FHL2: variants seen among roughly 807,000 people sequenced by gnomAD.
FHL2 encodes the protein four and a half LIM domains protein 2.
FHL2 carries 20 observed loss-of-function variants against 32.7 expected under a neutral mutation model. The ratio of observed to expected loss-of-function variants is 0.61; its 90% CI spans 0.43 to 0.89. FHL2 has a LOEUF of 0.89. FHL2 is among the 40% of genes least tolerant of loss of function. The pLI, the probability that FHL2 is intolerant of heterozygous loss-of-function variation, is 0.00. For missense variants in FHL2, 311 were observed against 358.6 expected, an observed-to-expected ratio of 0.87 and a Z score of 1.07; for synonymous variants, 123 against 128.1, an observed-to-expected ratio of 0.96 and a Z score of 0.27.
chr2:105,361,660 G>A (rs1320368562), intron 6 of FHL2, among the ~76,000 whole-genome samples: 3 of 152,172 alleles, frequency 2.0e-5, no homozygotes, highest in Non-Finnish European at 4.4e-5. Flanking sequence ...GTTCCAAAAC[G>A]ATGGGATAAG....
In FHL2 at chr2:105,367,680, G is replaced by T. The variant is rs397517959; in HGVS notation, c.391C>A (p.Arg131Ser). ...SWHETCFICH[R>S]CQQPIGTKSF... ...TTGGTTCCAATTGGCTGCTGGCAGC[G>T]GTGGCAGATGAAGCAGGTCTCATGC... The change falls in exon 5 of 7, where the codon CGC (arginine) becomes AGC (serine). Residue 131 changes from arginine (R) to serine (S), a missense_variant. Arg to Ser is a moderately radical substitution (Grantham distance 110). Coordinates refer to ENST00000530340, the MANE Select transcript of FHL2 (RefSeq NM_001318895.3). The T allele has an allele frequency of 6.2e-7, 1 of 1,614,196 alleles. No individual in the cohort carries two copies. The highest frequency in any genetic ancestry group is 8.5e-7 in the Non-Finnish European group (1 of 1,180,018).
At chr2:105,375,942 A>T (rs1681442838) in intron 3 of FHL2, 1 of 152,254 alleles carries the variant, frequency 6.6e-6, no homozygotes, top group South Asian at 2.1e-4. Flanking sequence ...GAAATAGAGG[A>T]CAAACTGCTT....
chr2:105,397,515 C>T (rs759418437), intron 1 of FHL2, among the ~76,000 whole-genome samples: 1 of 152,108 alleles, frequency 6.6e-6, no homozygotes, highest in African/African-American at 2.4e-5. Context: ...ATGCAGTCCC[C>T]GGCATCCCCT....
At position 105,386,344 on chromosome 2, in the gene FHL2, A is replaced by G. The variant is rs1682310089; in HGVS notation, c.156+17T>C. ...CTAGGGGAGCGCCGGGGACCCGCAG[A>G]GGCCCGCAGCAGGTACCTTGCAGTC... is the stretch of plus-strand genomic sequence containing the variant. On this transcript the variant is annotated intron_variant, in intron 3 of 6. Transcript: ENST00000530340. The G allele has an allele frequency of 1.2e-6, 2 of 1,611,058 alleles. No homozygotes were observed. Among genetic ancestry groups the G allele is most frequent in the Non-Finnish European group, 1.7e-6 (2 of 1,178,622 alleles).
rs559524401 is a variant in FHL2 at position 105,360,917 on chromosome 2, A to G, written c.*366T>C. On this transcript the variant is annotated 3_prime_UTR_variant, in exon 7 of 7. Coordinates refer to ENST00000530340, the MANE Select transcript of FHL2 (RefSeq NM_001318895.3). ...ACAGAGCTGTAAATAACAACTGGTC[A>G]TTACCTTATTGAGTTTAGAAAACTT... is the stretch of plus-strand genomic sequence containing the variant. 132 of 169,468 alleles carry G rather than the reference A, an allele frequency of 7.8e-4. No individual in the cohort carries two copies. The highest frequency in any genetic ancestry group is 1.7e-3 in the Admixed American group (28 of 16,320). 10.5% of individuals were successfully genotyped at this position (169,468 alleles called of 1,614,324 possible).
chr2:105,412,559 T>C (rs1683824253), intron 1 of FHL2, among the ~76,000 whole-genome samples: 1 of 152,158 alleles, frequency 6.6e-6, no homozygotes, highest in Admixed American at 6.5e-5. Flanking sequence ...AGCCAAATGG[T>C]AGGTAAAAAC....
chr2:105,396,731 T>G (rs961774065), intron 1 of FHL2, 34 bp from the exon 2 acceptor site: 16 of 1,607,390 alleles, frequency 1.0e-5, no homozygotes, highest in Admixed American at 1.7e-5. Context: ...TTTCAGATGG[T>G]CATCTTGAGG....
chr2:105,422,632 T>C (rs1451894842), intron 1 of FHL2, among the ~76,000 whole-genome samples: 1 of 135,312 alleles, frequency 7.4e-6, no homozygotes, highest in East Asian at 2.2e-4. Context: ...GTGACAGATG[T>C]GATTCATCTC....
chr2:105,370,509 AC>A (rs1237377484), intron 4 of FHL2, among the ~76,000 whole-genome samples: 1 of 152,034 alleles, frequency 6.6e-6, no homozygotes, highest in African/African-American at 2.4e-5. Context: ...GAGCCGGTAA[AC>A]CCCAGCACTG....
intron 4 of FHL2, among the ~76,000 whole-genome samples, chr2:105,370,555 C>CCA (rs1680986422): frequency 6.6e-6 from 1 of 152,088 alleles, no homozygotes. Context: ...CCTGATTGGT[C>CCA]ATCAGGAAAC....
At chr2:105,418,888 CTAGTT>C (rs1558729713) in intron 1 of FHL2, among the ~76,000 whole-genome samples, 2 of 152,078 alleles carry the variant, frequency 1.3e-5, no homozygotes, top group East Asian at 1.9e-4. Flanking sequence ...CTTACGGTGA[CTAGTT>C]TATAAGTTAA....
Position 105,371,282 on chromosome 2 carries a change from C to T in FHL2, c.331+2277G>A, listed in dbSNP as rs556858878. On this transcript the variant is annotated intron_variant, in intron 4 of 6. Coordinates refer to ENST00000530340, the MANE Select transcript of FHL2 (RefSeq NM_001318895.3). ...AAGTCAGCAAGCTTCGAGTGCAGCA[C>T]GTTACCCACGTATCAGGGCCGGGCT... 1.1e-4 allele frequency among the ~76,000 whole-genome samples: 16 copies of T among 152,190 alleles called. No homozygotes were observed. In the East Asian group the frequency reaches 2.9e-3, roughly 28 times the overall value.
At chr2:105,371,822 G>C (rs950392719) in intron 4 of FHL2, among the ~76,000 whole-genome samples, 2 of 152,174 alleles carry the variant, frequency 1.3e-5, no homozygotes, top group Non-Finnish European at 2.9e-5. Context: ...TTAATGTCGT[G>C]GTTCTTATTG....
Position 105,381,890 on chromosome 2 carries a change from G to A in FHL2, c.156+4471C>T, listed in dbSNP as rs75884334. On this transcript the variant is annotated intron_variant, in intron 3 of 6. Coordinates refer to ENST00000530340, the MANE Select transcript of FHL2 (RefSeq NM_001318895.3). ...GAGTAGGTGCTCTTCCCAGAAAAGG[G>A]TCCAGAAAGACCAGCGAGGGAGGCC... Among the ~76,000 whole-genome samples the A allele has an allele frequency of 9.9e-3, 1,508 of 152,180 alleles. 20 individuals are homozygous for A. The highest frequency in any genetic ancestry group is 0.034 in the African/African-American group (1,423 of 41,492).
At chr2:105,373,981 TGA>T (rs2104534860) in intron 3 of FHL2, 1 of 529,256 alleles carries the variant, frequency 1.9e-6, no homozygotes, top group South Asian at 2.3e-5. Context: ...TGTCTGTGTG[TGA>T]GAGATGCTTC....
intron 4 of FHL2, among the ~76,000 whole-genome samples, chr2:105,369,533 G>A (rs1011879108): frequency 2.6e-5 from 4 of 152,138 alleles, no homozygotes; most frequent in African/African-American, 9.7e-5. Flanking sequence ...AATTTGGGAT[G>A]GTGACACGCA....
chr2:105,421,396 G>A (rs910665413), intron 1 of FHL2, among the ~76,000 whole-genome samples: 3 of 148,782 alleles, frequency 2.0e-5, no homozygotes, highest in African/African-American at 7.5e-5. Context: ...TCACAAGCAC[G>A]CTACAGAAGG....
intron 5 of FHL2, among the ~76,000 whole-genome samples, chr2:105,364,708 T>G (rs368208544): frequency 1.3e-5 from 2 of 152,070 alleles, no homozygotes; most frequent in Middle Eastern, 3.2e-3. Context: ...TTGCTTTTTA[T>G]TTTTTGAACA....
intron 3 of FHL2, among the ~76,000 whole-genome samples, chr2:105,381,518 G>A (rs1681885481): frequency 6.6e-6 from 1 of 152,126 alleles, no homozygotes; most frequent in African/African-American, 2.4e-5. Context: ...CGAGGTCACT[G>A]CTGAGCGCTG....
Sources: gnomAD v4.1 joint callset for allele counts (sites outside exome capture counted in the v4.1 genomes callset) on GRCh38, gnomAD v4.1.1 for gene constraint, MANE v1.5 for transcripts, NCBI Gene and HGNC (gene_info 2026-07-23, HGNC 2026-07-21) for gene names.